The following DNAH10 variants were observed in gnomAD, a reference collection of about 807,000 sequenced individuals.
DNAH10 encodes the protein dynein axonemal heavy chain 10.
DNAH10 carries 348 observed loss-of-function variants against 506.6 expected under a neutral mutation model. The observed-to-expected ratio is 0.69, with a 90% confidence interval of 0.63 to 0.75. The LOEUF is 0.75. Ranked by LOEUF, DNAH10 falls within the 30% of genes least tolerant of loss-of-function variation. DNAH10 has a pLI of 0.00. For synonymous variants in DNAH10, 2,059 were observed against 2,198.6 expected (o/e 0.94, Z 1.78); for missense variants, 5,179 against 5,787.1 (o/e 0.89, Z 3.41).
At chr12:123,908,934 G>A (rs1029984745) in intron 57 of DNAH10, among the ~76,000 whole-genome samples, 3 of 152,132 alleles carry the variant, frequency 2.0e-5, no homozygotes, top group Admixed American at 6.5e-5. Flanking sequence ...GGAATCAGCC[G>A]AGGGTGTAAT....
chr12:123,784,876 T>C (rs1305950026), intron 8 of DNAH10, among the ~76,000 whole-genome samples: 5 of 152,236 alleles, frequency 3.3e-5, no homozygotes, highest in Non-Finnish European at 7.3e-5. Flanking sequence ...CACCAGGTTT[T>C]CAAGGTTCAC....
Position 123,897,873 on chromosome 12 carries a change from A to G in DNAH10, c.9384A>G (p.Lys3128=), listed in dbSNP as rs917417670. The change falls in exon 55 of 79, where the codon AAA becomes AAG. Residue 3128 remains lysine, a synonymous_variant. Coordinates refer to ENST00000673944, the MANE Select transcript of DNAH10 (RefSeq NM_001372106.1). The part of the protein sequence containing the change: ...VDHYSQQFLQ[K]LRRSNYVTPK... ...ACTACAGCCAACAGTTTCTACAGAA[A>G]TTGAGGCGCAGCAACTATGTCACTC... 6.2e-7 allele frequency: 1 copy of G among 1,611,302 alleles called. No homozygotes were observed.
In DNAH10 at chr12:123,902,272, A is replaced by G. The variant is rs1953555589; in HGVS notation, c.9641-667A>G. Among the ~76,000 whole-genome samples, 1 of 151,974 alleles carries G rather than the reference A, an allele frequency of 6.6e-6. No homozygotes were observed. The highest frequency in any genetic ancestry group is 1.5e-5 in the Non-Finnish European group (1 of 67,990). On this transcript the variant is annotated intron_variant, in intron 56 of 78. Coordinates refer to ENST00000673944, the MANE Select transcript of DNAH10 (RefSeq NM_001372106.1). This position sits in a 1 kb window ranked among gnomAD's most constrained non-coding sequence, Gnocchi z 4.5. ...TCCATCTACAAAGACCCACTTCCAA[A>G]TAAGGTCACATCCTGAGGTCCCAGT...
chr12:123,871,291 G>C (rs1455550833), intron 44 of DNAH10, among the ~76,000 whole-genome samples, 166 bp from the exon 45 acceptor site: 1 of 152,188 alleles, frequency 6.6e-6, no homozygotes, highest in African/African-American at 2.4e-5. Context: ...CTGTGCCAAA[G>C]TCAATCAGTT....
chr12:123,909,044 G>T lies in DNAH10; in HGVS notation c.9816-217G>T, dbSNP rs1038092000. On this transcript the variant is annotated intron_variant, in intron 57 of 78. Transcript: ENST00000673944. The surrounding 1 kb of genome is among the most constrained non-coding windows in gnomAD (Gnocchi z 5.4). ...ATGCTGCCCCCGCACCATTCCAGGC[G>T]CCTGGTCTGGAACCTGAGAGGGGGA... Among the ~76,000 whole-genome samples, 2 of 152,186 alleles carry T rather than the reference G, an allele frequency of 1.3e-5. No homozygotes were observed. Among genetic ancestry groups the T allele is most frequent in the African/African-American group, 4.8e-5 (2 of 41,454 alleles).
chr12:123,799,263 G>C lies in DNAH10; in HGVS notation c.2181G>C (p.Leu727Phe). The C allele has an allele frequency of 1.9e-6, 3 of 1,608,726 alleles. No individual in the cohort carries two copies. Among genetic ancestry groups the C allele is most frequent in the Non-Finnish European group, 2.5e-6 (3 of 1,176,478 alleles). Reference sequence around the variant, plus strand: ...TTTGATAGGTCAAACAAAAATATTTGGAAGTAGGTAGGACAATGAAGGAGT... The same window carrying C: ...TTTGATAGGTCAAACAAAAATATTTCGAAGTAGGTAGGACAATGAAGGAGT... ...DRGQEVKQKY[L>F]EVGRTMKEYE... Residue 727 changes from leucine to phenylalanine, a missense_variant, in exon 14 of 79, where the codon TTG becomes TTC. Leu to Phe is a conservative substitution (Grantham distance 22, BLOSUM62 0). This residue lies in a region of DNAH10 where 4,844 missense variants were observed against 5,430.5 expected (regional missense o/e 0.89). Transcript: ENST00000673944.
rs997044845 is a variant in DNAH10, at chr12:123,848,764, G to A, written c.5984G>A (p.Cys1995Tyr). 1.2e-6 allele frequency: 2 copies of A among 1,613,880 alleles called. No homozygotes were observed. The highest frequency in any genetic ancestry group is 1.7e-6 in the Non-Finnish European group (2 of 1,179,890). ...VGKIFSGLAQ[C>Y]GAWGCFDEFN... ...AAGATTTTCTCTGGCCTGGCACAGT[G>A]CGGGGCTTGGGGCTGCTTTGATGAG... Residue 1995 changes from cysteine to tyrosine, a missense_variant, in exon 34 of 79, where the codon TGC becomes TAC. Cys to Tyr is a radical substitution (Grantham distance 194). Transcript: ENST00000673944.
At chr12:123,820,891 G>A (rs1480018958) in intron 24 of DNAH10, 133 bp downstream of exon 24, 13 of 1,014,864 alleles carry the variant, frequency 1.3e-5, no homozygotes, top group South Asian at 6.5e-5. Flanking sequence ...CATTTTGGCC[G>A]CAGGGAAGGG....
chr12:123,865,333 C>A (rs1471067875), intron 40 of DNAH10, among the ~76,000 whole-genome samples: 1 of 152,006 alleles, frequency 6.6e-6, no homozygotes, highest in East Asian at 1.9e-4. Flanking sequence ...AGGCTATTCT[C>A]CAAAGCCCTC....
At chr12:123,806,065 T>C (rs1958663257) in intron 18 of DNAH10, among the ~76,000 whole-genome samples, 1 of 152,132 alleles carries the variant, frequency 6.6e-6, no homozygotes, top group South Asian at 2.1e-4. Flanking sequence ...CGTGAGCCAC[T>C]GCGCCCGGCC....
chr12:123,910,265 C>A (rs1954003442), intron 58 of DNAH10, among the ~76,000 whole-genome samples: 1 of 152,172 alleles, frequency 6.6e-6, no homozygotes, highest in Non-Finnish European at 1.5e-5. Context: ...CACCTGGGTG[C>A]CCAGTTGGGA....
Position 123,917,298 on chromosome 12 carries a change from C to T in DNAH10, c.11003-286C>T, listed in dbSNP as rs965073642. Reference sequence around the variant, plus strand: ...CTGGGATTACAGGCATGAGCCACTGCGCCCAGTCTGGGTATACTTTAAACT... The same window carrying T: ...CTGGGATTACAGGCATGAGCCACTGTGCCCAGTCTGGGTATACTTTAAACT... On this transcript the variant is annotated intron_variant, in intron 63 of 78. Coordinates refer to ENST00000673944, the MANE Select transcript of DNAH10 (RefSeq NM_001372106.1). The surrounding 1 kb of genome is among the most constrained non-coding windows in gnomAD (Gnocchi z 5.6). Among the ~76,000 whole-genome samples, 3 of 152,166 alleles carry T rather than the reference C, an allele frequency of 2.0e-5. No individual in the cohort carries two copies. Among genetic ancestry groups the T allele is most frequent in the African/African-American group, 7.2e-5 (3 of 41,432 alleles).
chr12:123,819,781 C>T (rs374454043), intron 23 of DNAH10, among the ~76,000 whole-genome samples: 12 of 150,670 alleles, frequency 8.0e-5, no homozygotes, highest in African/African-American at 2.2e-4. Context: ...CTCAGCTCAC[C>T]GCAACCTCCA....
chr12:123,801,233 A>G, intron 15 of DNAH10, 48 bp from the exon 16 acceptor site: 1 of 1,535,708 alleles, frequency 6.5e-7, no homozygotes, highest in Non-Finnish European at 8.8e-7. Flanking sequence ...GCTTTTGATG[A>G]GCTTAAAGGT....
intron 54 of DNAH10, among the ~76,000 whole-genome samples, chr12:123,897,393 C>G (rs1224206266): frequency 6.6e-6 from 1 of 152,132 alleles, no homozygotes; most frequent in Non-Finnish European, 1.5e-5. Context: ...TATAATAGTT[C>G]TATATTTAAC....
intron 76 of DNAH10, among the ~76,000 whole-genome samples, chr12:123,933,058 T>A (rs911809963): frequency 2.0e-5 from 3 of 152,236 alleles, no homozygotes; most frequent in African/African-American, 7.2e-5. Context: ...ATCCTGGGCT[T>A]TGTATTTCCT....
At chr12:123,810,806 T>C (rs940019479) in intron 19 of DNAH10, among the ~76,000 whole-genome samples, 4 of 152,232 alleles carry the variant, frequency 2.6e-5, no homozygotes, top group Non-Finnish European at 1.5e-5. Context: ...TTATAGGTGC[T>C]ATGTATGTTT....
rs567742258 is a variant in DNAH10 at position 123,835,349 on chromosome 12, C to T, written c.4780-57C>T. The T allele has an allele frequency of 3.1e-4, 487 of 1,581,560 alleles. 1 individual carries two copies. Among genetic ancestry groups the T allele is most frequent in the Non-Finnish European group, 4.0e-4 (471 of 1,163,920 alleles). ...TCATGTCAGGATGGGGCTTTGCCATCCACTTTTGGAGGTATCTGATAACCC... is the reference window on the plus strand; with the variant it reads ...TCATGTCAGGATGGGGCTTTGCCATTCACTTTTGGAGGTATCTGATAACCC... On this transcript the variant is annotated intron_variant, in intron 27 of 78. Coordinates refer to ENST00000673944, the MANE Select transcript of DNAH10 (RefSeq NM_001372106.1).
At chr12:123,832,947 T>C (rs551908295) in intron 26 of DNAH10, among the ~76,000 whole-genome samples, 167 bp from the exon 27 acceptor site, 7 of 152,322 alleles carry the variant, frequency 4.6e-5, no homozygotes, top group African/African-American at 1.7e-4. Flanking sequence ...AGCGAATGCT[T>C]GATAAGTGGC....
Sources: allele counts gnomAD v4.1 joint callset (sites outside exome capture counted in the v4.1 genomes callset), GRCh38; gene constraint gnomAD v4.1.1; regional missense constraint gnomAD v4.1.1; non-coding constraint Gnocchi (gnomAD v3.1); transcripts MANE v1.5; gene names NCBI Gene and HGNC (gene_info 2026-07-23, HGNC 2026-07-21).